The following INPP4A variants were observed in gnomAD, a reference collection of about 807,000 sequenced individuals.
The protein encoded by INPP4A is inositol polyphosphate-4-phosphatase, type I, 107kD.
Under a neutral mutation model 119.8 loss-of-function variants are expected in INPP4A, and 33 were observed. The ratio of observed to expected loss-of-function variants is 0.28; its 90% confidence interval spans 0.21 to 0.37. The LOEUF is 0.37. INPP4A is among the 10% of genes least tolerant of loss of function. INPP4A has a pLI of 1.00. For synonymous variants in INPP4A, 496 were observed against 500.7 expected (o/e 0.99, Z 0.12); for missense variants, 956 against 1,289.9 (o/e 0.74, Z 3.97).
chr2:98,497,402 A>G lies in INPP4A; in HGVS notation c.-165-21562A>G, dbSNP rs1236588408. 3.9e-5 allele frequency among the ~76,000 whole-genome samples: 6 copies of G among 152,216 alleles called. No homozygotes were observed. The East Asian group carries it at 9.6e-4, about 24-fold the overall frequency. ...GGCACCGCCTAGTGGAGCTGTGAGA[A>G]GAGGACCACTGTCCTCCAGAGCCCA... On this transcript the variant is annotated intron_variant, in intron 1 of 24. Transcript: ENST00000409851.
chr2:98,529,827 G>T (rs568699016), intron 4 of INPP4A, among the ~76,000 whole-genome samples: 2 of 152,142 alleles, frequency 1.3e-5, no homozygotes, highest in Non-Finnish European at 2.9e-5. Flanking sequence ...TAAAAGAAAC[G>T]TAGTAAAAAT....
intron 1 of INPP4A, among the ~76,000 whole-genome samples, chr2:98,500,496 T>C (rs544968537): frequency 6.6e-6 from 1 of 152,278 alleles, no homozygotes; most frequent in South Asian, 2.1e-4. Flanking sequence ...AAAGGAAGAC[T>C]TTATCCAGGA....
chr2:98,479,229 T>C (rs1677901700), intron 1 of INPP4A, among the ~76,000 whole-genome samples: 1 of 152,146 alleles, frequency 6.6e-6, no homozygotes, highest in South Asian at 2.1e-4. Flanking sequence ...CTTCTAATTT[T>C]AGAAGTGTGG....
intron 2 of INPP4A, 44 bp downstream of exon 2, chr2:98,519,069 C>T: frequency 6.6e-6 from 1 of 152,274 alleles, no homozygotes; most frequent in Non-Finnish European, 1.5e-5. Context: ...AGCCCAGGTC[C>T]TTCAGGCACA....
chr2:98,584,986 A>G (rs1414203711), intron 24 of INPP4A, among the ~76,000 whole-genome samples: 1 of 152,218 alleles, frequency 6.6e-6, no homozygotes, highest in African/African-American at 2.4e-5. Context: ...CTTATACTGT[A>G]GTAGTGCTGA....
Position 98,537,851 on chromosome 2 carries a change from T to C in INPP4A, c.468-12T>C, listed in dbSNP as rs1479420608. 6.3e-7 allele frequency: 1 copy of C among 1,578,744 alleles called. No homozygotes were observed. Among genetic ancestry groups the C allele is most frequent in the Non-Finnish European group, 8.7e-7 (1 of 1,151,476 alleles). On this transcript the variant is annotated splice_polypyrimidine_tract_variant and intron_variant, in intron 7 of 24. Coordinates refer to ENST00000409851, the MANE Select transcript of INPP4A (RefSeq NM_001134225.2). ...TGCAGCACCACTCATTAAAGCATGT[T>C]GTGCATCACAGGTCTGCAGAGAGTG...
At chr2:98,444,727 C>T (rs945995123), upstream of INPP4A, 2 of 152,448 alleles carry the variant, frequency 1.3e-5, no homozygotes, top group East Asian at 3.9e-4. Flanking sequence ...GCAGCTCGGT[C>T]ACCGGCCCTA....
At chr2:98,544,252 A>G (rs1158731874) in intron 11 of INPP4A, among the ~76,000 whole-genome samples, 1 of 152,218 alleles carries the variant, frequency 6.6e-6, no homozygotes, top group African/African-American at 2.4e-5. Flanking sequence ...AATTGCAGTG[A>G]AGAGTCCTCC....
Position 98,590,480 on chromosome 2 carries a change from A to G in INPP4A, c.*2872A>G, listed in dbSNP as rs1038843899. On this transcript the variant is annotated 3_prime_UTR_variant, in exon 25 of 25. Coordinates refer to ENST00000409851, the MANE Select transcript of INPP4A (RefSeq NM_001134225.2). ...GTTTCCTCATGTGCAAAGTGTGGAC[A>G]ACAACAGTACCTTCCTCATAAGGAA... The G allele has an allele frequency of 1.0e-5, 2 of 191,492 alleles. No individual in the cohort carries two copies. Among genetic ancestry groups the G allele is most frequent in the Non-Finnish European group, 2.2e-5 (2 of 91,572 alleles). 11.9% of individuals were successfully genotyped at this position (191,492 alleles called of 1,614,324 possible).
intron 1 of INPP4A, among the ~76,000 whole-genome samples, chr2:98,480,624 G>T (rs1678214680): frequency 6.6e-6 from 1 of 152,192 alleles, no homozygotes; most frequent in African/African-American, 2.4e-5. Flanking sequence ...CCAGGCCTTG[G>T]TGACCCTCTG....
chr2:98,458,835 C>T (rs191297343), intron 1 of INPP4A, among the ~76,000 whole-genome samples: 3 of 152,218 alleles, frequency 2.0e-5, no homozygotes, highest in East Asian at 1.9e-4. Context: ...AGACCTTAAG[C>T]GGGTAGGCAG....
chr2:98,512,318 A>G (rs762749383), intron 1 of INPP4A, among the ~76,000 whole-genome samples: 5 of 152,220 alleles, frequency 3.3e-5, no homozygotes, highest in Non-Finnish European at 7.3e-5. Flanking sequence ...TTAGCTGAGC[A>G]AGTGGGTGGA....
At chr2:98,517,134 T>TCTGGATGC (rs1686293284) in intron 1 of INPP4A, among the ~76,000 whole-genome samples, 1 of 151,946 alleles carries the variant, frequency 6.6e-6, no homozygotes, top group Non-Finnish European at 1.5e-5. Context: ...CTCTCCATAC[T>TCTGGATGC]CTGGATGCCA....
At chr2:98,545,763 T>C (rs994917108) in intron 11 of INPP4A, among the ~76,000 whole-genome samples, 3 of 152,080 alleles carry the variant, frequency 2.0e-5, no homozygotes, top group East Asian at 3.9e-4. Flanking sequence ...CAGAACCAGC[T>C]CTCCTGACCA....
chr2:98,494,634 A>C (rs1681552241), intron 1 of INPP4A, among the ~76,000 whole-genome samples: 1 of 150,986 alleles, frequency 6.6e-6, no homozygotes, highest in Admixed American at 6.6e-5. Context: ...TAAAAAAAAA[A>C]AAATGGAGAG....
intron 1 of INPP4A, among the ~76,000 whole-genome samples, chr2:98,479,884 A>T (rs1360214964): frequency 6.6e-6 from 1 of 152,152 alleles, no homozygotes; most frequent in East Asian, 1.9e-4. Context: ...TGGGCTGTGC[A>T]CTTACCTAAA....
At chr2:98,552,050 C>G (rs1468514967) in intron 13 of INPP4A, among the ~76,000 whole-genome samples, 1 of 152,176 alleles carries the variant, frequency 6.6e-6, no homozygotes. Flanking sequence ...TCCCTAGACA[C>G]ACACGCTGCT....
At chr2:98,472,966 A>T (rs531867861) in intron 1 of INPP4A, among the ~76,000 whole-genome samples, 86 of 150,610 alleles carry the variant, frequency 5.7e-4, no homozygotes, top group African/African-American at 1.7e-3. Context: ...GTGTAGAGTG[A>T]GGAGGGCAGT....
intron 1 of INPP4A, among the ~76,000 whole-genome samples, chr2:98,483,702 G>A (rs1247479709): frequency 6.6e-6 from 1 of 152,116 alleles, no homozygotes; most frequent in Admixed American, 6.5e-5. Flanking sequence ...ACATAGCAGC[G>A]TGGACCAGCT....
Sources: gnomAD v4.1 joint callset for allele counts (sites outside exome capture counted in the v4.1 genomes callset) on GRCh38, gnomAD v4.1.1 for gene constraint, MANE v1.5 for transcripts, NCBI Gene and HGNC (gene_info 2026-07-23, HGNC 2026-07-21) for gene names.